Variants in ZNF268 observed in about 807,000 individuals in gnomAD.
The protein encoded by ZNF268 is zinc finger protein 3.
Under a neutral mutation model 29.3 loss-of-function variants are expected in ZNF268, and 20 were observed. The observed-to-expected ratio is 0.68, with a 90% CI of 0.48 to 0.99. The LOEUF (loss-of-function observed/expected upper bound fraction) is 0.99. Among genes scored for constraint, ZNF268 ranks in the 50% least tolerant of loss-of-function variants. The pLI is 0.00. For synonymous variants in ZNF268, 429 were observed against 376.9 expected (o/e 1.14, Z -1.60); for missense variants, 1,240 against 1,121.6 (o/e 1.11, Z -1.51).
At chr12:133,187,481 G>C (rs1414731273) in intron 2 of ZNF268, among the ~76,000 whole-genome samples, 1 of 151,942 alleles carries the variant, frequency 6.6e-6, no homozygotes, top group Non-Finnish European at 1.5e-5. Flanking sequence ...TTTATTGTCT[G>C]TCAGAGCCTC....
chr12:133,212,306 G>C lies in ZNF268; in HGVS notation c.*7776G>C, dbSNP rs1278267918. 2 of 151,690 alleles carry C rather than the reference G, an allele frequency of 1.3e-5. No individual in the cohort carries two copies. The highest frequency in any genetic ancestry group is 2.9e-5 in the Non-Finnish European group (2 of 67,962). 9.4% of individuals were successfully genotyped at this position (151,690 alleles called of 1,614,324 possible). On this transcript the variant is annotated 3_prime_UTR_variant, in exon 6 of 6. Transcript: ENST00000536435. ...CCTCTGCTTGGTGAAATTATGCTGG[G>C]TGTGTGTGGAAGAGCCTGGGATGTA...
rs1034004562 is a variant in ZNF268 at position 133,205,953 on chromosome 12, G to C, written c.*1423G>C. The C allele has an allele frequency of 2.6e-5, 4 of 152,184 alleles. No individual in the cohort carries two copies. The highest frequency in any genetic ancestry group is 9.7e-5 in the African/African-American group (4 of 41,450). The allele number at this position is 152,184 out of a possible 1,614,324, so 9.4% of individuals were successfully genotyped here. A position where few individuals can be genotyped will look rare whatever the true frequency, so the allele number is the denominator to read the frequency against. On this transcript the variant is annotated 3_prime_UTR_variant, in exon 6 of 6. Coordinates refer to ENST00000536435, the MANE Select transcript of ZNF268 (RefSeq NM_003415.3). The stretch of plus-strand genomic sequence containing the variant: ...AGCTTTTGTTCTGTGGTAGCATGTT[G>C]ATGTAATAAGTAGCTATTTCAATAG...
intron 5 of ZNF268, among the ~76,000 whole-genome samples, chr12:133,197,654 A>G (rs1157495856): frequency 6.6e-6 from 1 of 152,224 alleles, no homozygotes; most frequent in East Asian, 1.9e-4. Flanking sequence ...AGTCCCACCA[A>G]CAGTGTAAAG....
rs1392626754 is a variant in ZNF268 at position 133,211,274 on chromosome 12, A to G, written c.*6744A>G. ...TAAAAATGGGGACAGATCCAAATAC[A>G]TACTTTCCAAAGATATACAGATGGT... On this transcript the variant is annotated 3_prime_UTR_variant, in exon 6 of 6. Coordinates refer to ENST00000536435, the MANE Select transcript of ZNF268 (RefSeq NM_003415.3). 2.8e-6 allele frequency: 1 copy of G among 351,714 alleles called. No individual in the cohort carries two copies. The highest frequency in any genetic ancestry group is 5.6e-6 in the Non-Finnish European group (1 of 179,872). 21.8% of individuals were successfully genotyped at this position (351,714 alleles called of 1,614,324 possible).
chr12:133,202,521 AGCT>A lies in ZNF268; in HGVS notation c.837_839del (p.Cys281del). ...TATGGGCGAAAAACCCTTTGGATGC[AGCT>A]GTTGTGAGAAAGCCTTCAGCAGCAA... On this transcript the variant is annotated inframe_deletion, in exon 6 of 6. Transcript: ENST00000536435. The A allele has an allele frequency of 6.2e-7, 1 of 1,612,210 alleles. No homozygotes were observed. The highest frequency in any genetic ancestry group is 1.1e-5 in the South Asian group (1 of 90,832).
chr12:133,187,921 T>C lies in ZNF268; in HGVS notation c.83T>C (p.Leu28Pro). The change falls in exon 3 of 6, where the codon CTC becomes CCC. Residue 28 changes from leucine to proline, a missense_variant. By Grantham distance (98) the Leu-to-Pro change is moderately conservative (BLOSUM62 -3). Around this residue, in one of 3 missense-constraint regions of ZNF268, gnomAD observed 51 missense variants for 51.4 expected, o/e 0.99. Coordinates refer to ENST00000536435, the MANE Select transcript of ZNF268 (RefSeq NM_003415.3). ...RNSSWDRIRKLQGQESILGQG... is the reference protein window; with the variant it reads ...RNSSWDRIRKPQGQESILGQG... ...AGTTCATGGGATAGGATCAGAAAGC[T>C]CCAAGGTCAGGAATCCATCTTGGGC... The C allele has an allele frequency of 6.2e-7, 1 of 1,601,010 alleles. No individual in the cohort carries two copies. Among genetic ancestry groups the C allele is most frequent in the Non-Finnish European group, 8.5e-7 (1 of 1,173,688 alleles).
rs971111658 is a variant in ZNF268, at chr12:133,203,554, C to G, written c.1868C>G (p.Thr623Arg). Residue 623 changes from threonine to arginine, a missense_variant, in exon 6 of 6, where the codon ACA becomes AGA. Thr to Arg is a moderately conservative substitution (Grantham distance 71). Coordinates refer to ENST00000536435, the MANE Select transcript of ZNF268 (RefSeq NM_003415.3). Reference sequence around the variant, plus strand: ...AGTGAGTGTCAGAAAGCCTTTAATACAAAGTCAAACCTGATTGTACATCAG... The same window carrying G: ...AGTGAGTGTCAGAAAGCCTTTAATAGAAAGTCAAACCTGATTGTACATCAG... ...ECSECQKAFN[T>R]KSNLIVHQRT... is the part of the protein sequence containing the mutation. 1.3e-5 allele frequency: 21 copies of G among 1,556,030 alleles called. No homozygotes were observed. The highest frequency in any genetic ancestry group is 1.7e-5 in the Non-Finnish European group (20 of 1,153,870).
In ZNF268 at chr12:133,203,395, A is replaced by G; in HGVS notation, c.1709A>G (p.Gln570Arg). 1 of 1,546,602 alleles carries G rather than the reference A, an allele frequency of 6.5e-7. No individual in the cohort carries two copies. The highest frequency in any genetic ancestry group is 8.7e-7 in the Non-Finnish European group (1 of 1,150,478). Residue 570 changes from glutamine (Q) to arginine (R), a missense_variant, in exon 6 of 6, where the codon CAG (glutamine) becomes CGG (arginine). Physicochemically the swap from Gln to Arg is conservative, Grantham distance 43 (BLOSUM62 1). This residue lies in a region of ZNF268 where 1,177 missense variants were observed against 1,039.6 expected (regional missense o/e 1.13). Coordinates refer to ENST00000536435, the MANE Select transcript of ZNF268 (RefSeq NM_003415.3). ...GGGAAAGCCTTCAGTCGGAAATACCAGCTTATTTCACACCAGAGAACTCAT... is the reference window on the plus strand; with the variant it reads ...GGGAAAGCCTTCAGTCGGAAATACCGGCTTATTTCACACCAGAGAACTCAT... ...ECGKAFSRKYQLISHQRTHAG... is the reference protein window; with the variant it reads ...ECGKAFSRKYRLISHQRTHAG...
At chr12:133,200,801 A>C (rs934356290) in intron 5 of ZNF268, among the ~76,000 whole-genome samples, 1 of 151,888 alleles carries the variant, frequency 6.6e-6, no homozygotes, top group Non-Finnish European at 1.5e-5. Flanking sequence ...TGTGGTAGTT[A>C]CCTCCATATT....
In ZNF268 at chr12:133,202,773, T is replaced by G; in HGVS notation, c.1087T>G (p.Cys363Gly). Residue 363 changes from cysteine to glycine, a missense_variant, in exon 6 of 6, where the codon TGT (cysteine) becomes GGT (glycine). Transcript: ENST00000536435. ...IHTGENPYECCECGKVFSRKD... is the reference protein window; with the variant it reads ...IHTGENPYECGECGKVFSRKD... ...CACAGGTGAGAATCCCTATGAGTGC[T>G]GTGAATGTGGGAAAGTCTTCAGTAG... 6.2e-7 allele frequency: 1 copy of G among 1,610,830 alleles called. No homozygotes were observed. The highest frequency in any genetic ancestry group is 8.5e-7 in the Non-Finnish European group (1 of 1,179,214).
intron 3 of ZNF268, among the ~76,000 whole-genome samples, chr12:133,190,629 A>G (rs1370609441): frequency 1.3e-5 from 2 of 152,180 alleles, no homozygotes; most frequent in African/African-American, 2.4e-5. Context: ...AGTGGCTGCT[A>G]CTTACAGCAG....
rs1292491497 is a variant in ZNF268 at position 133,187,949 on chromosome 12, A to G, written c.111A>G (p.Gln37=). Residue 37 remains glutamine, a synonymous_variant, in exon 3 of 6, where the codon CAA becomes CAG. Transcript: ENST00000536435. The part of the protein sequence containing the change: ...KLQGQESILG[Q]GTPGLQPLPG... Reference sequence around the variant, plus strand: ...AAGGTCAGGAATCCATCTTGGGCCAAGGGACTCCTGGTCTGCAACCTCTCC... The same window carrying G: ...AAGGTCAGGAATCCATCTTGGGCCAGGGGACTCCTGGTCTGCAACCTCTCC... 1.9e-6 allele frequency: 3 copies of G among 1,600,554 alleles called. No individual in the cohort carries two copies. The highest frequency in any genetic ancestry group is 2.6e-6 in the Non-Finnish European group (3 of 1,173,368).
intron 5 of ZNF268, among the ~76,000 whole-genome samples, chr12:133,197,904 G>C (rs1357868251): frequency 6.6e-6 from 1 of 151,942 alleles, no homozygotes; most frequent in Non-Finnish European, 1.5e-5. Flanking sequence ...TTGTAAATTT[G>C]TTTGAGTTCA....
chr12:133,199,940 A>G (rs1956709915), intron 5 of ZNF268, among the ~76,000 whole-genome samples: 1 of 152,032 alleles, frequency 6.6e-6, no homozygotes, highest in Admixed American at 6.6e-5. Flanking sequence ...TAGTCTTGCT[A>G]GCGGTCTATC....
In ZNF268 at chr12:133,203,807, C is replaced by A. The variant is rs753070580; in HGVS notation, c.2121C>A (p.Ser707Arg). The A allele has an allele frequency of 2.6e-6, 4 of 1,561,632 alleles. No individual in the cohort carries two copies. The East Asian group carries it at 9.4e-5, about 37-fold the overall frequency. ...GTGAGTGTGGGAAAGCCTTCAGGAG[C>A]AAGTCATACCTTATTATACATATGA... Reference protein sequence around the residue: ...GCSECGKAFRSKSYLIIHMRT... With the variant: ...GCSECGKAFRRKSYLIIHMRT... The change falls in exon 6 of 6, where the codon AGC (serine) becomes AGA (arginine). Residue 707 changes from serine to arginine, a missense_variant. Ser to Arg is a moderately radical substitution (Grantham distance 110). Coordinates refer to ENST00000536435, the MANE Select transcript of ZNF268 (RefSeq NM_003415.3).
Position 133,202,333 on chromosome 12 carries a change from C to T in ZNF268, c.647C>T (p.Thr216Ile). 1 of 1,611,666 alleles carries T rather than the reference C, an allele frequency of 6.2e-7. No homozygotes were observed. Among genetic ancestry groups the T allele is most frequent in the African/African-American group, 1.3e-5 (1 of 74,940 alleles). Reference sequence around the variant, plus strand: ...AAGAGTTTGAAATATATAGATTTCACTAGTGATTATGCTAGAAATAATCCT... The same window carrying T: ...AAGAGTTTGAAATATATAGATTTCATTAGTGATTATGCTAGAAATAATCCT... ...HGKSLKYIDF[T>I]SDYARNNPNG... Residue 216 changes from threonine (T) to isoleucine (I), a missense_variant, in exon 6 of 6, where the codon ACT becomes ATT. By Grantham distance (89) the Thr-to-Ile change is moderately conservative. This residue lies in a region of ZNF268 where 1,177 missense variants were observed against 1,039.6 expected (regional missense o/e 1.13). Transcript: ENST00000536435.
In ZNF268 at chr12:133,181,972, C is replaced by T; in HGVS notation, c.-26C>T. The T allele has an allele frequency of 6.4e-7, 1 of 1,560,054 alleles. No individual in the cohort carries two copies. The highest frequency in any genetic ancestry group is 1.4e-5 in the African/African-American group (1 of 73,548). ...ATCCCTCGCGTCCTGTCACTTCCAG[C>T]GAGGCACACAAAACTGACCGTAGGG... On this transcript the variant is annotated 5_prime_UTR_variant, in exon 2 of 6. Transcript: ENST00000536435.
Position 133,205,144 on chromosome 12 carries a change from T to TAAAACAAAAAAAAAAAAAAAAAAAAAAAA in ZNF268, c.*618_*619insCAAAAAAAAAAAAAAAAAAAAAAAAAAAA, listed in dbSNP as rs1956868897. On this transcript the variant is annotated 3_prime_UTR_variant, in exon 6 of 6. Coordinates refer to ENST00000536435, the MANE Select transcript of ZNF268 (RefSeq NM_003415.3). Reference sequence around the variant, plus strand: ...TAACCTCACCTTAGAAGCTTCATTCTAAAAAAAAAAAAAAAAAAAAAAAAA... The same window carrying TAAAACAAAAAAAAAAAAAAAAAAAAAAAA: ...TAACCTCACCTTAGAAGCTTCATTCTAAAACAAAAAAAAAAAAAAAAAAAAAAAAAAAAAAAAAAAAAAAAAAAAAAAAA... The TAAAACAAAAAAAAAAAAAAAAAAAAAAAA allele has an allele frequency of 2.4e-5, 1 of 42,270 alleles. No homozygotes were observed. The highest frequency in any genetic ancestry group is 4.5e-5 in the Non-Finnish European group (1 of 22,218). 2.6% of individuals were successfully genotyped at this position (42,270 alleles called of 1,614,324 possible).
rs376532954 is a variant in ZNF268, at chr12:133,213,702, TC to T, written c.*9173del. 93,107 of 132,432 alleles carry T rather than the reference TC, an allele frequency of 0.7. 30,332 individuals carry two copies. Among genetic ancestry groups the T allele is most frequent in the East Asian group, 0.92 (4,439 of 4,844 alleles). 8.2% of individuals were successfully genotyped at this position (132,432 alleles called of 1,614,324 possible). A position where few individuals can be genotyped will look rare whatever the true frequency, so the allele number is the denominator to read the frequency against. ...CAGAGCAAGAAAGCAAAATTCCATCTCAAAAAAAAAAAAAAGGCCGGGTGTG... is the reference window on the plus strand; with the variant it reads ...CAGAGCAAGAAAGCAAAATTCCATCTAAAAAAAAAAAAAAGGCCGGGTGTG... On this transcript the variant is annotated 3_prime_UTR_variant, in exon 6 of 6. Coordinates refer to ENST00000536435, the MANE Select transcript of ZNF268 (RefSeq NM_003415.3).
Sources: allele counts gnomAD v4.1 joint callset (sites outside exome capture counted in the v4.1 genomes callset), GRCh38; gene constraint gnomAD v4.1.1; regional missense constraint gnomAD v4.1.1; transcripts MANE v1.5; gene names NCBI Gene and HGNC (gene_info 2026-07-23, HGNC 2026-07-21).